PTPN14: variants seen among roughly 807,000 people sequenced by gnomAD.
The protein encoded by PTPN14 is tyrosine-protein phosphatase non-receptor type 14.
Under a neutral mutation model 126.8 loss-of-function variants are expected in PTPN14, and 53 were observed. That is an observed-to-expected ratio of 0.42 (90% CI 0.34 to 0.53). The LOEUF is 0.53. PTPN14 is among the 20% of genes least tolerant of loss of function. The pLI, the probability that PTPN14 is intolerant of heterozygous loss-of-function variation, is 0.08. For synonymous variants in PTPN14, 630 were observed against 599.3 expected, an observed-to-expected ratio of 1.05 and a Z score of -0.75; for missense variants, 1,257 against 1,552.9, an observed-to-expected ratio of 0.81 and a Z score of 3.20.
In PTPN14 at chr1:214,352,658, A is replaced by G. The variant is rs1007362576; in HGVS notation, c.*5264T>C. On this transcript the variant is annotated 3_prime_UTR_variant, in exon 19 of 19. Coordinates refer to ENST00000366956, the MANE Select transcript of PTPN14 (RefSeq NM_005401.5). ...AGAGAAGTATCAAATGCAGTTTAAC[A>G]TCTTACAGCTTTATTTCCACCCTAT... 3 of 152,224 alleles carry G rather than the reference A, an allele frequency of 2.0e-5. No individual in the cohort carries two copies. The highest frequency in any genetic ancestry group is 7.2e-5 in the African/African-American group (3 of 41,460). The allele number at this position is 152,224 out of a possible 1,614,324, so 9.4% of individuals were successfully genotyped here. A position where few individuals can be genotyped will look rare whatever the true frequency, so the allele number is the denominator to read the frequency against.
In PTPN14 at chr1:214,383,989, C is replaced by T. The variant is rs1394041606; in HGVS notation, c.1866G>A (p.Gln622=). 9 of 1,609,734 alleles carry T rather than the reference C, an allele frequency of 5.6e-6. No individual in the cohort carries two copies. The highest frequency in any genetic ancestry group is 1.1e-5 in the South Asian group (1 of 91,046). ...TGGCCGTGAGGGGCTCGCTCACCTC[C>T]TGGAGAGACTGATGAACCACCGGAG... ...DSSPVVHQSL[Q]EVSEPLTATK... is the part of the protein sequence containing the mutation. Residue 622 remains glutamine (Q), a synonymous_variant, in exon 13 of 19, where the codon CAG becomes CAA. Coordinates refer to ENST00000366956, the MANE Select transcript of PTPN14 (RefSeq NM_005401.5). This position sits in a 1 kb window ranked among gnomAD's most constrained non-coding sequence, Gnocchi z 4.4.
chr1:214,367,541 A>AT (rs1558071166), intron 17 of PTPN14, among the ~76,000 whole-genome samples: 2 of 152,238 alleles, frequency 1.3e-5, no homozygotes, highest in Non-Finnish European at 2.9e-5. Flanking sequence ...ATACCAAAAT[A>AT]AAATCAAGGT....
At chr1:214,377,254 T>A (rs769134348) in intron 14 of PTPN14, among the ~76,000 whole-genome samples, 2 of 152,252 alleles carry the variant, frequency 1.3e-5, no homozygotes, top group Non-Finnish European at 2.9e-5. Flanking sequence ...GCTATTATCC[T>A]TAGCAAACTA....
At chr1:214,505,630 T>G (rs1024247001) in intron 1 of PTPN14, among the ~76,000 whole-genome samples, 23 of 152,222 alleles carry the variant, frequency 1.5e-4, no homozygotes, top group African/African-American at 5.5e-4. Flanking sequence ...GTGCAGTGTC[T>G]CACGCCTGTA....
chr1:214,423,835 G>A (rs536400516), intron 3 of PTPN14, among the ~76,000 whole-genome samples: 39 of 152,110 alleles, frequency 2.6e-4, no homozygotes, highest in Middle Eastern at 3.4e-3. Context: ...ACAAAAATTA[G>A]CCAGGCATGG....
chr1:214,438,907 A>G (rs1276514260), intron 3 of PTPN14, among the ~76,000 whole-genome samples: 3 of 152,194 alleles, frequency 2.0e-5, no homozygotes, highest in African/African-American at 7.2e-5. Context: ...TGCTTTCTGA[A>G]CTCATCCTTA....
chr1:214,489,279 T>C (rs905077335), intron 1 of PTPN14, among the ~76,000 whole-genome samples: 1 of 152,110 alleles, frequency 6.6e-6, no homozygotes, highest in Non-Finnish European at 1.5e-5. Context: ...TTGCGGAGGT[T>C]GAGATTTTGC....
chr1:214,532,565 A>G (rs1340126390), intron 1 of PTPN14: 4 of 1,073,976 alleles, frequency 3.7e-6, no homozygotes, highest in East Asian at 4.7e-5. Flanking sequence ...ACTGGGGGCC[A>G]TTACTTCAAG....
At chr1:214,539,981 G>A (rs1263930043) in intron 1 of PTPN14, among the ~76,000 whole-genome samples, 1 of 152,070 alleles carries the variant, frequency 6.6e-6, no homozygotes, top group Admixed American at 6.5e-5. Flanking sequence ...ATATAATTAA[G>A]ACTGGTAGAT....
chr1:214,476,163 G>C (rs1660862196), intron 1 of PTPN14, among the ~76,000 whole-genome samples: 1 of 152,182 alleles, frequency 6.6e-6, no homozygotes, highest in Admixed American at 6.5e-5. Flanking sequence ...CACCCTGCCA[G>C]AGCCTCTTAC....
rs370900487 is a variant in PTPN14 at position 214,527,743 on chromosome 1, A to C, written c.-155+23440T>G. Among the ~76,000 whole-genome samples the C allele has an allele frequency of 4.1e-4, 62 of 152,350 alleles. No individual in the cohort carries two copies. In the East Asian group the frequency reaches 6.9e-3, roughly 17 times the overall value. On this transcript the variant is annotated intron_variant, in intron 1 of 18. Transcript: ENST00000366956. The stretch of plus-strand genomic sequence containing the variant: ...ACACATGCCTAGTCAAACACAATGA[A>C]GTAGAAAAATCTGTAAGGTGGTAGA...
chr1:214,409,008 A>C (rs1659235819), intron 5 of PTPN14, among the ~76,000 whole-genome samples: 2 of 152,256 alleles, frequency 1.3e-5, no homozygotes, highest in South Asian at 4.1e-4. Flanking sequence ...TTTATAGTAC[A>C]ATGTGATGTT....
intron 2 of PTPN14, among the ~76,000 whole-genome samples, chr1:214,456,816 C>T (rs1226165481): frequency 6.6e-6 from 1 of 152,200 alleles, no homozygotes; most frequent in Non-Finnish European, 1.5e-5. Context: ...ATGTTTCACA[C>T]TGTCATTTTT....
chr1:214,474,693 C>T (rs746003835), intron 1 of PTPN14, among the ~76,000 whole-genome samples: 1 of 152,194 alleles, frequency 6.6e-6, no homozygotes, highest in East Asian at 1.9e-4. Context: ...AGGTGGTTCT[C>T]TATCTTGTAC....
chr1:214,489,521 C>T (rs10864106), intron 1 of PTPN14, among the ~76,000 whole-genome samples: 94,366 of 152,064 alleles, frequency 0.62, 29,663 homozygotes, highest in Middle Eastern at 0.72. Flanking sequence ...TTTCAGAACG[C>T]GTTTGGAGTC....
At chr1:214,546,247 T>C (rs1430759064) in intron 1 of PTPN14, among the ~76,000 whole-genome samples, 1 of 152,058 alleles carries the variant, frequency 6.6e-6, no homozygotes, top group Non-Finnish European at 1.5e-5. Flanking sequence ...GAAACCGAGG[T>C]AGGCATGGGG....
chr1:214,499,220 CAG>C (rs1654618788), intron 1 of PTPN14, among the ~76,000 whole-genome samples: 2 of 152,030 alleles, frequency 1.3e-5, no homozygotes, highest in Admixed American at 6.6e-5. Context: ...AACTGCACCA[CAG>C]AGAGGTTATG....
intron 3 of PTPN14, among the ~76,000 whole-genome samples, chr1:214,437,308 T>C (rs1659942423): frequency 6.6e-6 from 1 of 152,108 alleles, no homozygotes; most frequent in South Asian, 2.1e-4. Flanking sequence ...ACTTTAAAAA[T>C]TAAAATTCAA....
intron 3 of PTPN14, among the ~76,000 whole-genome samples, chr1:214,417,890 T>C (rs960644163): frequency 7.2e-5 from 11 of 152,034 alleles, no homozygotes; most frequent in Non-Finnish European, 1.0e-4. Flanking sequence ...GAGAGAGCCA[T>C]GTAAAACGGT....
Sources: gnomAD v4.1 joint callset for allele counts (sites outside exome capture counted in the v4.1 genomes callset) on GRCh38, gnomAD v4.1.1 for gene constraint, Gnocchi (gnomAD v3.1) non-coding constraint, MANE v1.5 for transcripts, NCBI Gene and HGNC (gene_info 2026-07-23, HGNC 2026-07-21) for gene names.